Variants in ORC2 observed in about 807,000 individuals in gnomAD.
ORC2 encodes origin recognition complex subunit 2.
In ORC2, 37 loss-of-function variants were observed where a neutral mutation model predicts 77.7. The observed-to-expected ratio is 0.48, with a 90% confidence interval of 0.37 to 0.63. The LOEUF (loss-of-function observed/expected upper bound fraction) is 0.63, where lower values mean the gene tolerates loss of function less well. ORC2 is among the 20% of genes least tolerant of loss of function. The pLI, the probability that ORC2 is intolerant of heterozygous loss-of-function variation, is 0.00. For synonymous variants in ORC2, 201 were observed against 229.5 expected (o/e 0.88, Z 1.12); for missense variants, 557 against 661.9 (o/e 0.84, Z 1.74).
chr2:200,957,452 C>T lies in ORC2; in HGVS notation c.187G>A (p.Glu63Lys). 1 of 1,611,130 alleles carries T rather than the reference C, an allele frequency of 6.2e-7. No homozygotes were observed. The highest frequency in any genetic ancestry group is 8.5e-7 in the Non-Finnish European group (1 of 1,178,626). The part of the protein sequence containing the change: ...PEYDLEEDDQ[E>K]VLKDQNYVEI... ...ACATAGTTCTGATCTTTTAAGACCT[C>T]CTGGTCATCTTCCTCCAAATCATAT... Residue 63 changes from glutamate (E) to lysine (K), a missense_variant, in exon 4 of 18, where the codon GAG (glutamate) becomes AAG (lysine). Physicochemically the swap from Glu to Lys is moderately conservative, Grantham distance 56. Coordinates refer to ENST00000234296, the MANE Select transcript of ORC2 (RefSeq NM_006190.5).
chr2:200,962,921 T>C (rs1458424279), intron 1 of ORC2: 1 of 152,326 alleles, frequency 6.6e-6, no homozygotes, highest in African/African-American at 2.4e-5. Context: ...ATCAACATTT[T>C]ACAGCCAAGC....
At chr2:200,918,351 G>C (rs1234471461) in intron 15 of ORC2, among the ~76,000 whole-genome samples, 4 of 152,086 alleles carry the variant, frequency 2.6e-5, no homozygotes, top group African/African-American at 9.7e-5. Flanking sequence ...CTGTGTGTTT[G>C]GAACAAGAGG....
chr2:200,920,412 AAAC>A lies in ORC2; in HGVS notation c.1295-22_1295-20del, dbSNP rs754055068. 1.3e-5 allele frequency: 19 copies of A among 1,478,118 alleles called. No individual in the cohort carries two copies. The East Asian group carries it at 4.4e-4, about 34-fold the overall frequency. The allele number at this position is 1,478,118 out of a possible 1,614,324, so 91.6% of individuals were successfully genotyped here. ...TCCCACACTAGCACATGATCAAAGA[AAAC>A]AAGAATTACAAATTATTTTTATATT... is the stretch of plus-strand genomic sequence containing the variant. On this transcript the variant is annotated intron_variant, in intron 14 of 17. Coordinates refer to ENST00000234296, the MANE Select transcript of ORC2 (RefSeq NM_006190.5).
rs942053888 is a variant in ORC2, at chr2:200,960,679, G to A, written c.-59-1239C>T. 2.0e-5 allele frequency among the ~76,000 whole-genome samples: 3 copies of A among 152,020 alleles called. No individual in the cohort carries two copies. The South Asian group carries it at 6.2e-4, about 32-fold the overall frequency. On this transcript the variant is annotated intron_variant, in intron 1 of 17. Coordinates refer to ENST00000234296, the MANE Select transcript of ORC2 (RefSeq NM_006190.5). ...CCCAACTTACAAATGAGTAAACTGAGGTCAACTCATTAAATATTAATAACT... is the reference window on the plus strand; with the variant it reads ...CCCAACTTACAAATGAGTAAACTGAAGTCAACTCATTAAATATTAATAACT...
At chr2:200,954,472 T>C (rs2041427810) in intron 4 of ORC2, among the ~76,000 whole-genome samples, 1 of 152,226 alleles carries the variant, frequency 6.6e-6, no homozygotes. Context: ...ATATGATACA[T>C]TATTAATTGC....
Position 200,949,576 on chromosome 2 carries a change from G to A in ORC2, c.306C>T (p.His102=), listed in dbSNP as rs2041313688. The part of the protein sequence containing the change: ...NKVYSFQNRK[H]SEKMAKLASE... ...TACCTAATTTAGCCATCTTTTCAGAGTGTTTTCTATTCTGAAAAGAATAAA... is the reference window on the plus strand; with the variant it reads ...TACCTAATTTAGCCATCTTTTCAGAATGTTTTCTATTCTGAAAAGAATAAA... The change falls in exon 5 of 18, where the codon CAC becomes CAT. Residue 102 remains histidine (H), a synonymous_variant. Transcript: ENST00000234296. The A allele has an allele frequency of 6.3e-7, 1 of 1,583,190 alleles. No individual in the cohort carries two copies. The highest frequency in any genetic ancestry group is 8.7e-7 in the Non-Finnish European group (1 of 1,154,532).
At position 200,933,988 on chromosome 2, in the gene ORC2, G is replaced by A. The variant is rs768717429; in HGVS notation, c.709-14C>T. ...TACTAAGTCACTCTGAAAGTGAACA[G>A]AGTAGTCAGTCCTTAGTAGCTTCAA... On this transcript the variant is annotated splice_polypyrimidine_tract_variant and intron_variant, in intron 9 of 17. Coordinates refer to ENST00000234296, the MANE Select transcript of ORC2 (RefSeq NM_006190.5). 8 of 1,422,406 alleles carry A rather than the reference G, an allele frequency of 5.6e-6. No individual in the cohort carries two copies. The highest frequency in any genetic ancestry group is 7.9e-6 in the Non-Finnish European group (8 of 1,011,750). 88.1% of individuals were successfully genotyped at this position (1,422,406 alleles called of 1,614,324 possible).
rs1370538387 is a variant in ORC2, at chr2:200,959,378, C to T, written c.-11+14G>A. 1 of 152,196 alleles carries T rather than the reference C, an allele frequency of 6.6e-6. No homozygotes were observed. The highest frequency in any genetic ancestry group is 2.4e-5 in the African/African-American group (1 of 41,444). The allele number at this position is 152,196 out of a possible 1,614,324, so 9.4% of individuals were successfully genotyped here. ...AGCAACATGCTTAAATGACTTCTTTCAGTTTTCATTTACCTTTTAAGGTAC... is the reference window on the plus strand; with the variant it reads ...AGCAACATGCTTAAATGACTTCTTTTAGTTTTCATTTACCTTTTAAGGTAC... On this transcript the variant is annotated intron_variant, in intron 2 of 17. Transcript: ENST00000234296.
intron 13 of ORC2, among the ~76,000 whole-genome samples, chr2:200,922,791 A>G (rs1284390653): frequency 6.6e-6 from 1 of 152,244 alleles, no homozygotes; most frequent in East Asian, 1.9e-4. Flanking sequence ...TTTAATGAGC[A>G]TACGAACAAT....
In ORC2 at chr2:200,942,700, G is replaced by T; in HGVS notation, c.406C>A (p.Pro136Thr). ...AATGTCTTACCCTTGCTACTTTGAG[G>T]AACGTTTATCGTAATCTCAGGATCA... ...KNDPEITINV[P>T]QSSKGHSASD... Residue 136 changes from proline (P) to threonine (T), a missense_variant, in exon 6 of 18, where the codon CCT becomes ACT. By Grantham distance (38) the Pro-to-Thr change is conservative. Transcript: ENST00000234296. 6.2e-7 allele frequency: 1 copy of T among 1,600,614 alleles called. No homozygotes were observed. The highest frequency in any genetic ancestry group is 1.1e-5 in the South Asian group (1 of 89,152).
intron 8 of ORC2, 70 bp downstream of exon 8, chr2:200,937,836 T>C: frequency 1.0e-6 from 1 of 999,352 alleles, no homozygotes; most frequent in Non-Finnish European, 1.6e-6. Flanking sequence ...AGAACCTATA[T>C]ACTTAACTAT....
In ORC2 at chr2:200,915,003, CTTTTTTTTT is replaced by C. The variant is rs1158807101; in HGVS notation, c.1467-1020_1467-1012del. Among the ~76,000 whole-genome samples, 7 of 65,280 alleles carry C rather than the reference CTTTTTTTTT, an allele frequency of 1.1e-4. No homozygotes were observed. In the South Asian group the frequency reaches 2.9e-3, roughly 27 times the overall value. The allele number at this position is 65,280 out of a possible 152,430, so 42.8% of individuals were successfully genotyped here. A position where few individuals can be genotyped will look rare whatever the true frequency, so the allele number is the denominator to read the frequency against. On this transcript the variant is annotated intron_variant, in intron 15 of 17. Coordinates refer to ENST00000234296, the MANE Select transcript of ORC2 (RefSeq NM_006190.5). ...CTTCACTTTTTGATTCTTCCCACGT[CTTTTTTTTT>C]TTTTTTTTTTTTTTTTTTTTGAGAC... is the stretch of plus-strand genomic sequence containing the variant.
chr2:200,951,107 T>A (rs1411463719), intron 4 of ORC2, among the ~76,000 whole-genome samples: 1 of 152,240 alleles, frequency 6.6e-6, no homozygotes, highest in Non-Finnish European at 1.5e-5. Context: ...GTCATATAGT[T>A]GGAATCATAC....
intron 4 of ORC2, among the ~76,000 whole-genome samples, chr2:200,955,029 T>C (rs1559024490): frequency 6.6e-6 from 1 of 152,136 alleles, no homozygotes; most frequent in Non-Finnish European, 1.5e-5. Context: ...GTTAGGGCCC[T>C]GGGGTATTTG....
intron 15 of ORC2, among the ~76,000 whole-genome samples, chr2:200,916,126 AAT>A (rs1297357973): frequency 6.6e-6 from 1 of 152,220 alleles, no homozygotes; most frequent in Non-Finnish European, 1.5e-5. Flanking sequence ...AAAATTTCAA[AAT>A]AGTTTAAATA....
At chr2:200,947,937 C>G (rs1255208937) in intron 5 of ORC2, among the ~76,000 whole-genome samples, 1 of 150,788 alleles carries the variant, frequency 6.6e-6, no homozygotes, top group Non-Finnish European at 1.5e-5. Context: ...GAGACTGAGT[C>G]TCGCTCTGTC....
chr2:200,957,409 T>C lies in ORC2; in HGVS notation c.230A>G (p.Asp77Gly), dbSNP rs147654758. ...TTCACCCCCTCAAATACCTTGAACA[T>C]CTCTTCCCATAATTTCCACATAGTT... ...DQNYVEIMGR[D>G]VQESLKNGSA... is the part of the protein sequence containing the mutation. The change falls in exon 4 of 18, where the codon GAT (aspartate) becomes GGT (glycine). Residue 77 changes from aspartate (D) to glycine (G), a missense_variant. Coordinates refer to ENST00000234296, the MANE Select transcript of ORC2 (RefSeq NM_006190.5). The C allele has an allele frequency of 3.1e-6, 5 of 1,592,730 alleles. No homozygotes were observed. Among genetic ancestry groups the C allele is most frequent in the Non-Finnish European group, 4.3e-6 (5 of 1,170,762 alleles).
At chr2:200,935,093 T>C (rs1250455071) in intron 9 of ORC2, among the ~76,000 whole-genome samples, 2 of 152,236 alleles carry the variant, frequency 1.3e-5, no homozygotes, top group Non-Finnish European at 2.9e-5. Flanking sequence ...TTTTTGTTAT[T>C]TTTTATTCTA....
intron 1 of ORC2, among the ~76,000 whole-genome samples, chr2:200,961,898 T>C (rs933286296): frequency 2.6e-5 from 4 of 152,154 alleles, no homozygotes; most frequent in Non-Finnish European, 4.4e-5. Flanking sequence ...AAAAGTTTAG[T>C]TGTTCTTGGG....
Sources: allele counts gnomAD v4.1 joint callset (sites outside exome capture counted in the v4.1 genomes callset), GRCh38; gene constraint gnomAD v4.1.1; transcripts MANE v1.5; gene names NCBI Gene and HGNC (gene_info 2026-07-23, HGNC 2026-07-21).